Variants in ARMC2 observed in about 807,000 individuals in gnomAD.
ARMC2 encodes the protein armadillo repeat-containing protein 2.
In ARMC2, 67 loss-of-function variants were observed where a neutral mutation model predicts 90.3. That is an observed-to-expected ratio of 0.74 (90% CI 0.61 to 0.91). ARMC2 has a LOEUF of 0.91. Ranked by LOEUF, ARMC2 falls within the 40% of genes least tolerant of loss-of-function variation. ARMC2 has a pLI of 0.00. For missense variants in ARMC2, 920 were observed against 1,030.9 expected (o/e 0.89, Z 1.47); for synonymous variants, 393 against 393.0 (o/e 1.00, Z 0.00).
At chr6:108,987,431 A>G in the ARMC2 span, 1 of 589,242 alleles carries the variant, frequency 1.7e-6, no homozygotes, top group South Asian at 2.5e-5. Context: ...GAATCATGGC[A>G]CAATGGATTT....
chr6:108,853,941 G>A (rs777544657), intron 1 of ARMC2, among the ~76,000 whole-genome samples: 1 of 152,022 alleles, frequency 6.6e-6, no homozygotes, highest in African/African-American at 2.4e-5. Flanking sequence ...GAGATGATTC[G>A]CTCTTCCTAT....
chr6:109,006,789 C>A, the ARMC2 span, among the ~76,000 whole-genome samples: 1 of 152,120 alleles, frequency 6.6e-6, no homozygotes, highest in East Asian at 1.9e-4. Flanking sequence ...CTAGTAGATG[C>A]TGATCAAAAA....
Position 108,858,224 on chromosome 6 carries a change from T to G in ARMC2, c.244T>G (p.Ser82Ala). 2 of 1,611,456 alleles carry G rather than the reference T, an allele frequency of 1.2e-6. No homozygotes were observed. Among genetic ancestry groups the G allele is most frequent in the South Asian group, 2.2e-5 (2 of 90,888 alleles). Residue 82 changes from serine to alanine, a missense_variant, in exon 3 of 18, where the codon TCT (serine) becomes GCT (alanine). Ser to Ala is a moderately conservative substitution (Grantham distance 99). Coordinates refer to ENST00000392644, the MANE Select transcript of ARMC2 (RefSeq NM_032131.6). The stretch of plus-strand genomic sequence containing the variant: ...CCTCCATGCATCCAGTTTTGAGTCA[T>G]CTGATTCCAGGCCTATCTCTGGCAC... ...FSLHASSFES[S>A]DSRPISGTRL...
At chr6:108,863,546 G>A (rs1014802774) in intron 3 of ARMC2, among the ~76,000 whole-genome samples, 2 of 152,196 alleles carry the variant, frequency 1.3e-5, no homozygotes, top group Non-Finnish European at 2.9e-5. Flanking sequence ...GTTAGATGGT[G>A]TTCAAATTTC....
chr6:108,998,118 T>C, the ARMC2 span, among the ~76,000 whole-genome samples: 1 of 152,210 alleles, frequency 6.6e-6, no homozygotes, highest in African/African-American at 2.4e-5. Context: ...CTGTTTATTT[T>C]GTGCAAAAGA....
chr6:109,042,433 GA>G, the ARMC2 span, among the ~76,000 whole-genome samples: 2 of 128,302 alleles, frequency 1.6e-5, no homozygotes, highest in South Asian at 2.4e-4. Context: ...TCTTTGAAAA[GA>G]AAAAAAAATT....
intron 5 of ARMC2, among the ~76,000 whole-genome samples, chr6:108,885,920 A>G (rs912361354): frequency 1.3e-5 from 2 of 152,108 alleles, no homozygotes; most frequent in Non-Finnish European, 2.9e-5. Context: ...ACACAGCCAC[A>G]CTCATCTTTT....
intron 5 of ARMC2, among the ~76,000 whole-genome samples, chr6:108,892,887 G>A (rs949986990): frequency 1.3e-5 from 2 of 152,182 alleles, no homozygotes; most frequent in African/African-American, 4.8e-5. Context: ...TCACTGGGGG[G>A]CTCACTACAC....
the ARMC2 span, among the ~76,000 whole-genome samples, chr6:109,017,893 CA>C: frequency 6.6e-6 from 1 of 152,162 alleles, no homozygotes; most frequent in Non-Finnish European, 1.5e-5. Context: ...TGGCGAGGCA[CA>C]GTGGCTCAAT....
downstream of ARMC2, among the ~76,000 whole-genome samples, chr6:108,975,001 CTT>C (rs769081082): frequency 2.0e-5 from 3 of 147,748 alleles, no homozygotes; most frequent in South Asian, 2.1e-4. Context: ...TTCTCTCTCT[CTT>C]TTTTTTTTTC....
intron 5 of ARMC2, among the ~76,000 whole-genome samples, chr6:108,883,714 T>C (rs1777812488): frequency 6.6e-6 from 1 of 152,214 alleles, no homozygotes; most frequent in Admixed American, 6.5e-5. Context: ...AGTTCTACAA[T>C]TCCTTCAGTT....
At chr6:108,894,760 C>CTTTTTTTTTTTT (rs1046472191) in intron 6 of ARMC2, among the ~76,000 whole-genome samples, 1 of 103,378 alleles carries the variant, frequency 9.7e-6, no homozygotes, top group Non-Finnish European at 1.8e-5. Flanking sequence ...AGATGACAGT[C>CTTTTTTTTTTTT]TTTTTTTTTT....
the ARMC2 span, among the ~76,000 whole-genome samples, chr6:109,006,956 A>G: frequency 6.6e-6 from 1 of 152,234 alleles, no homozygotes; most frequent in Non-Finnish European, 1.5e-5. Flanking sequence ...TCTAGGAGAC[A>G]GAACTGCCAC....
the ARMC2 span, chr6:108,988,583 A>T: frequency 6.2e-7 from 1 of 1,613,332 alleles, no homozygotes; most frequent in Non-Finnish European, 8.5e-7. Flanking sequence ...GCTATCATAC[A>T]TTCTTTTGGT....
At chr6:109,026,153 G>A in the ARMC2 span, among the ~76,000 whole-genome samples, 1 of 152,084 alleles carries the variant, frequency 6.6e-6, no homozygotes, top group Non-Finnish European at 1.5e-5. Context: ...AATATTGAGA[G>A]AAAATATCAT....
the ARMC2 span, among the ~76,000 whole-genome samples, chr6:108,982,339 A>G: frequency 1.3e-5 from 2 of 152,158 alleles, no homozygotes; most frequent in Non-Finnish European, 2.9e-5. Flanking sequence ...CTATCCTCAC[A>G]TGGTGGAGAG....
intron 11 of ARMC2, among the ~76,000 whole-genome samples, chr6:108,932,456 G>T (rs1775629490): frequency 6.8e-6 from 1 of 146,426 alleles, no homozygotes; most frequent in Non-Finnish European, 1.5e-5. Flanking sequence ...TCAGTCTTCT[G>T]CATATGGCTA....
At chr6:109,016,016 A>G in the ARMC2 span, among the ~76,000 whole-genome samples, 1 of 152,206 alleles carries the variant, frequency 6.6e-6, no homozygotes, top group Non-Finnish European at 1.5e-5. Flanking sequence ...TATCCATTCA[A>G]AATAGATTAA....
intron 11 of ARMC2, among the ~76,000 whole-genome samples, chr6:108,936,180 A>T (rs913718655): frequency 7.2e-5 from 11 of 152,180 alleles, no homozygotes; most frequent in African/African-American, 2.7e-4. Context: ...GCCTAATATT[A>T]GTATAGCACT....
Sources: gnomAD v4.1 joint callset for allele counts (sites outside exome capture counted in the v4.1 genomes callset) on GRCh38, gnomAD v4.1.1 for gene constraint, MANE v1.5 for transcripts, NCBI Gene and HGNC (gene_info 2026-07-23, HGNC 2026-07-21) for gene names.